The following NENF variants were observed in gnomAD, a reference collection of about 807,000 sequenced individuals.
The protein encoded by NENF is neudesin.
NENF carries 6 observed loss-of-function variants against 14.8 expected under a neutral mutation model. The observed-to-expected ratio is 0.40, with a 90% CI of 0.22 to 0.80. The LOEUF (loss-of-function observed/expected upper bound fraction) is 0.80, where lower values mean the gene tolerates loss of function less well. NENF is among the 30% of genes least tolerant of loss of function. The pLI is 0.34. For synonymous variants in NENF, 76 were observed against 95.1 expected, an observed-to-expected ratio of 0.80 and a Z score of 1.17; for missense variants, 184 against 212.7, an observed-to-expected ratio of 0.87 and a Z score of 0.84.
chr1:212,442,985 C>T lies in NENF; in HGVS notation c.238+360C>T, dbSNP rs1051313812. 8.5e-5 allele frequency among the ~76,000 whole-genome samples: 13 copies of T among 152,252 alleles called. No homozygotes were observed. The East Asian group carries it at 1.2e-3, about 14-fold the overall frequency. ...CTTGAACTTCTGACCTTGTGATCCA[C>T]CCGCTTCGGCCTCCCAAAGTGCTAG... On this transcript the variant is annotated intron_variant, in intron 2 of 3. Coordinates refer to ENST00000366988, the MANE Select transcript of NENF (RefSeq NM_013349.5).
chr1:212,443,437 GCT>G (rs1662725709), intron 2 of NENF, among the ~76,000 whole-genome samples: 1 of 151,894 alleles, frequency 6.6e-6, no homozygotes, highest in Admixed American at 6.6e-5. Flanking sequence ...AGACAGTCTC[GCT>G]CTGTCGCCCA....
intron 2 of NENF, among the ~76,000 whole-genome samples, chr1:212,443,326 A>T (rs1190083290): frequency 6.6e-6 from 1 of 152,174 alleles, no homozygotes; most frequent in Non-Finnish European, 1.5e-5. Flanking sequence ...TTTATCTATT[A>T]TTTGATAACA....
rs144289657 is a variant in NENF at position 212,437,969 on chromosome 1, C to T, written c.178-4596C>T. ...AGGAGTTTGAGACCAGCCTGGGCAA[C>T]GTAGTGAGACCTTGTCTCTATTTTA... On this transcript the variant is annotated intron_variant, in intron 1 of 3. Coordinates refer to ENST00000366988, the MANE Select transcript of NENF (RefSeq NM_013349.5). 2.6e-3 allele frequency among the ~76,000 whole-genome samples: 398 copies of T among 152,138 alleles called. 4 individuals carry two copies. Among genetic ancestry groups the T allele is most frequent in the African/African-American group, 8.1e-3 (336 of 41,482 alleles).
chr1:212,444,001 A>G (rs972248287), intron 2 of NENF, among the ~76,000 whole-genome samples: 3 of 152,052 alleles, frequency 2.0e-5, no homozygotes, highest in Admixed American at 6.6e-5. Flanking sequence ...GCAGTGAGCC[A>G]AGATTGTGCC....
In NENF at chr1:212,433,140, G is replaced by A; in HGVS notation, c.177+20G>A. On this transcript the variant is annotated intron_variant, in intron 1 of 3. Coordinates refer to ENST00000366988, the MANE Select transcript of NENF (RefSeq NM_013349.5). This position sits in a 1 kb window ranked among gnomAD's most constrained non-coding sequence, Gnocchi z 5.5. Reference sequence around the variant, plus strand: ...GAGGAGGTAGGCGGGGGTGTCGCGGGCCGAGGGACCCGGGGTGGCGTCCGA... The same window carrying A: ...GAGGAGGTAGGCGGGGGTGTCGCGGACCGAGGGACCCGGGGTGGCGTCCGA... 1 of 1,171,956 alleles carries A rather than the reference G, an allele frequency of 8.5e-7. No homozygotes were observed. Among genetic ancestry groups the A allele is most frequent in the Non-Finnish European group, 1.1e-6 (1 of 947,140 alleles). The allele number at this position is 1,171,956 out of a possible 1,614,324, so 72.6% of individuals were successfully genotyped here.
chr1:212,433,174 G>A lies in NENF; in HGVS notation c.177+54G>A. The A allele has an allele frequency of 9.2e-7, 1 of 1,085,340 alleles. No individual in the cohort carries two copies. The highest frequency in any genetic ancestry group is 1.1e-6 in the Non-Finnish European group (1 of 876,414). The allele number at this position is 1,085,340 out of a possible 1,614,324, so 67.2% of individuals were successfully genotyped here. A position where few individuals can be genotyped will look rare whatever the true frequency, so the allele number is the denominator to read the frequency against. On this transcript the variant is annotated intron_variant, in intron 1 of 3. Transcript: ENST00000366988. The surrounding 1 kb of genome is among the most constrained non-coding windows in gnomAD (Gnocchi z 5.5). ...CCCGGGGTGGCGTCCGATCTGCGGC[G>A]AGCCGAGCGGGGACCCAGGAGGCGC...
At chr1:212,435,308 G>T (rs1027921888) in intron 1 of NENF, among the ~76,000 whole-genome samples, 15 of 152,256 alleles carry the variant, frequency 9.9e-5, no homozygotes, top group African/African-American at 3.6e-4. Context: ...GGAGTTCGGG[G>T]TACTGACCCC....
chr1:212,444,696 G>C (rs1393303251), intron 3 of NENF, among the ~76,000 whole-genome samples: 1 of 152,062 alleles, frequency 6.6e-6, no homozygotes, highest in East Asian at 1.9e-4. Context: ...TTCCATGGCT[G>C]TCTGTTGCCT....
intron 2 of NENF, among the ~76,000 whole-genome samples, chr1:212,444,101 T>G (rs1662737996): frequency 6.6e-6 from 1 of 152,112 alleles, no homozygotes; most frequent in Non-Finnish European, 1.5e-5. Flanking sequence ...ATTTTATATT[T>G]TCTGAAAATC....
Position 212,433,118 on chromosome 1 carries a change from G to A in NENF, c.175G>A (p.Glu59Lys). 1 of 1,191,894 alleles carries A rather than the reference G, an allele frequency of 8.4e-7. No individual in the cohort carries two copies. Among genetic ancestry groups the A allele is most frequent in the South Asian group, 4.2e-5 (1 of 24,004 alleles). 73.8% of individuals were successfully genotyped at this position (1,191,894 alleles called of 1,614,324 possible). ...EEELARYGGE[E>K]EDQPIYLAVK... is the part of the protein sequence containing the mutation. ...GGAGCTGGCCCGCTATGGCGGGGAG[G>A]AGGTAGGCGGGGGTGTCGCGGGCCG... The change falls in exon 1 of 4, where the codon GAG (glutamate) becomes AAG (lysine). Residue 59 changes from glutamate (E) to lysine (K), a missense_variant and splice_region_variant. Glu to Lys is a moderately conservative substitution (Grantham distance 56). Transcript: ENST00000366988. The surrounding 1 kb of genome is among the most constrained non-coding windows in gnomAD (Gnocchi z 5.5).
chr1:212,441,506 C>T (rs376390442), intron 1 of NENF, among the ~76,000 whole-genome samples: 19 of 151,926 alleles, frequency 1.3e-4, no homozygotes, highest in East Asian at 7.8e-4. Context: ...GGCCCTACGC[C>T]GGGCATGGTG....
chr1:212,442,122 C>T (rs952951545), intron 1 of NENF, among the ~76,000 whole-genome samples: 3 of 152,172 alleles, frequency 2.0e-5, no homozygotes, highest in Middle Eastern at 3.2e-3. Context: ...AGCAATTCTC[C>T]AGCCTCAGAC....
At chr1:212,434,898 AG>A (rs1282984701) in intron 1 of NENF, 1 of 152,200 alleles carries the variant, frequency 6.6e-6, no homozygotes, top group East Asian at 1.9e-4. Context: ...AGATGGAAAC[AG>A]GGGTAGGAAA....
intron 1 of NENF, among the ~76,000 whole-genome samples, chr1:212,434,372 A>G (rs1197211868): frequency 1.3e-5 from 2 of 152,178 alleles, no homozygotes; most frequent in African/African-American, 4.8e-5. Flanking sequence ...TCCCTACCCA[A>G]TAACGGTGGA....
intron 3 of NENF, among the ~76,000 whole-genome samples, chr1:212,445,379 C>T (rs1662763066): frequency 6.6e-6 from 1 of 152,050 alleles, no homozygotes; most frequent in African/African-American, 2.4e-5. Flanking sequence ...ATGAGCCAAA[C>T]TCATAACAAA....
intron 3 of NENF, 49 bp downstream of exon 3, chr1:212,444,491 G>A (rs1343637340): frequency 1.6e-6 from 2 of 1,259,672 alleles, no homozygotes. Flanking sequence ...CCTTGTCCAT[G>A]CCTTTTTCTC....
At position 212,432,980 on chromosome 1, in the gene NENF, C is replaced by T; in HGVS notation, c.37C>T (p.Leu13=). 3.7e-6 allele frequency: 4 copies of T among 1,088,136 alleles called. No individual in the cohort carries two copies. The highest frequency in any genetic ancestry group is 4.5e-6 in the Non-Finnish European group (4 of 884,094). The allele number at this position is 1,088,136 out of a possible 1,614,324, so 67.4% of individuals were successfully genotyped here. A position where few individuals can be genotyped will look rare whatever the true frequency, so the allele number is the denominator to read the frequency against. Residue 13 remains leucine, a synonymous_variant, in exon 1 of 4, where the codon CTG becomes TTG. Transcript: ENST00000366988. Reference sequence around the variant, plus strand: ...CGCGCCGCGGCGGCGGCTGCGGCCGCTGGCAGCGCTGGCCCTGGTCCTGGC... The same window carrying T: ...CGCGCCGCGGCGGCGGCTGCGGCCGTTGGCAGCGCTGGCCCTGGTCCTGGC... ...GPAPRRRLRP[L]AALALVLALA...
rs1264855500 is a variant in NENF, at chr1:212,433,251, G to T, written c.177+131G>T. 4 of 430,690 alleles carry T rather than the reference G, an allele frequency of 9.3e-6. No homozygotes were observed. The East Asian group carries it at 2.1e-4, about 23-fold the overall frequency. The allele number at this position is 430,690 out of a possible 1,614,324, so 26.7% of individuals were successfully genotyped here. A position where few individuals can be genotyped will look rare whatever the true frequency, so the allele number is the denominator to read the frequency against. ...GCGCGGCCCGCGGCGGGCGCCCTGG[G>T]CCGGCGGGGGGCCTCCTCTCTCTAG... is the stretch of plus-strand genomic sequence containing the variant. On this transcript the variant is annotated intron_variant, in intron 1 of 3. Coordinates refer to ENST00000366988, the MANE Select transcript of NENF (RefSeq NM_013349.5). The surrounding 1 kb of genome is among the most constrained non-coding windows in gnomAD (Gnocchi z 5.5).
intron 2 of NENF, among the ~76,000 whole-genome samples, chr1:212,444,070 G>A (rs1571705202): frequency 6.6e-6 from 1 of 151,938 alleles, no homozygotes; most frequent in Non-Finnish European, 1.5e-5. Context: ...CAACAAAAGA[G>A]GTTGTAGGGG....
Sources: allele counts gnomAD v4.1 joint callset (sites outside exome capture counted in the v4.1 genomes callset), GRCh38; gene constraint gnomAD v4.1.1; non-coding constraint Gnocchi (gnomAD v3.1); transcripts MANE v1.5; gene names NCBI Gene and HGNC (gene_info 2026-07-23, HGNC 2026-07-21).